NPAS2: variants seen among roughly 807,000 people sequenced by gnomAD.
NPAS2 encodes the protein neuronal PAS domain protein 2.
A neutral mutation model predicts 107.5 loss-of-function variants in NPAS2; 23 were observed. The ratio of observed to expected loss-of-function variants is 0.21; its 90% CI spans 0.15 to 0.30. NPAS2 has a LOEUF of 0.30. Among genes scored for constraint, NPAS2 ranks in the 10% least tolerant of loss-of-function variants. The pLI is 1.00. For missense variants in NPAS2, 756 were observed against 1,043.3 expected, an observed-to-expected ratio of 0.72 and a Z score of 3.79; for synonymous variants, 403 against 417.5, an observed-to-expected ratio of 0.97 and a Z score of 0.42.
At chr2:100,891,162 G>T (rs1214131472) in intron 1 of NPAS2, among the ~76,000 whole-genome samples, 3 of 151,814 alleles carry the variant, frequency 2.0e-5, no homozygotes, top group Non-Finnish European at 4.4e-5. Context: ...AACCCGGGGG[G>T]TGGAGCTTGC....
In NPAS2 at chr2:100,842,090, C is replaced by G. The variant is rs1161788489; in HGVS notation, c.-23+21676C>G. ...GAGTGTGCATGTACGCGCACACACA[C>G]ACACACACACACACACACACTTAAG... On this transcript the variant is annotated intron_variant, in intron 1 of 20. Coordinates refer to ENST00000335681, the MANE Select transcript of NPAS2 (RefSeq NM_002518.4). Among the ~76,000 whole-genome samples the G allele has an allele frequency of 2.6e-5, 4 of 151,790 alleles. No homozygotes were observed. The East Asian group carries it at 7.8e-4, about 30-fold the overall frequency.
intron 18 of NPAS2, 70 bp downstream of exon 18, chr2:100,990,516 C>A: frequency 6.6e-7 from 1 of 1,503,780 alleles, no homozygotes; most frequent in Non-Finnish European, 9.2e-7. Flanking sequence ...GCTCTACTTT[C>A]TGCTTTAGAC....
chr2:100,846,055 G>C (rs140897245), intron 1 of NPAS2, among the ~76,000 whole-genome samples: 11 of 152,292 alleles, frequency 7.2e-5, no homozygotes, highest in Middle Eastern at 3.4e-3. Flanking sequence ...TGGAGACAGT[G>C]CCCAAATGGC....
chr2:100,854,970 A>G (rs536462435), intron 1 of NPAS2, among the ~76,000 whole-genome samples: 1 of 152,338 alleles, frequency 6.6e-6, no homozygotes, highest in South Asian at 2.1e-4. Flanking sequence ...GGAAAAACGA[A>G]TGCAAGCTCT....
At chr2:100,870,615 AAACTC>A (rs1194219387) in intron 1 of NPAS2, among the ~76,000 whole-genome samples, 1 of 152,006 alleles carries the variant, frequency 6.6e-6, no homozygotes, top group African/African-American at 2.4e-5. Context: ...GGCTGGTCTC[AAACTC>A]AACTCAAGCA....
intron 1 of NPAS2, among the ~76,000 whole-genome samples, chr2:100,873,285 TATATATATATATATATATATATACACAC>T (rs1558827351): frequency 8.7e-5 from 3 of 34,556 alleles, no homozygotes; most frequent in African/African-American, 3.1e-4. Context: ...CATATATATA[TATATATATATATATATATATATACACAC>T]ACACACACAC....
chr2:100,949,303 C>A, intron 6 of NPAS2, 64 bp from the exon 7 acceptor site: 1 of 925,664 alleles, frequency 1.1e-6, no homozygotes, highest in Non-Finnish European at 1.8e-6. Context: ...AGAGACGCTA[C>A]TTGTTTAGAG....
At chr2:100,868,749 G>T (rs545135963) in intron 1 of NPAS2, among the ~76,000 whole-genome samples, 16 of 152,068 alleles carry the variant, frequency 1.1e-4, no homozygotes, top group Non-Finnish European at 2.4e-4. Context: ...CTGTGTCTCA[G>T]CTTCTTTTTA....
rs1487667086 is a variant in NPAS2 at position 100,976,473 on chromosome 2, T to C, written c.1392+906T>C. Among the ~76,000 whole-genome samples the C allele has an allele frequency of 6.6e-6, 1 of 152,126 alleles. No individual in the cohort carries two copies. The highest frequency in any genetic ancestry group is 1.5e-5 in the Non-Finnish European group (1 of 68,044). On this transcript the variant is annotated intron_variant, in intron 14 of 20. Transcript: ENST00000335681. The surrounding 1 kb of genome is among the most constrained non-coding windows in gnomAD (Gnocchi z 4.1). ...CCATACCTCTTGGTCAAAGCAGCCC[T>C]GAGCTCACCCATGAAGAGGGATATA... is the stretch of plus-strand genomic sequence containing the variant.
intron 4 of NPAS2, among the ~76,000 whole-genome samples, chr2:100,936,735 C>G (rs994121752): frequency 6.6e-6 from 1 of 152,146 alleles, no homozygotes; most frequent in Non-Finnish European, 1.5e-5. Flanking sequence ...AATCCCAGCA[C>G]TTTGGGAGGC....
At chr2:100,990,543 CAG>C in intron 18 of NPAS2, 97 bp downstream of exon 18, 1 of 1,346,870 alleles carries the variant, frequency 7.4e-7, no homozygotes, top group African/African-American at 1.4e-5. Context: ...AGAGTTCAGA[CAG>C]ATTCTAAAGT....
intron 14 of NPAS2, 26 bp from the exon 15 acceptor site, chr2:100,977,684 T>C: frequency 6.2e-7 from 1 of 1,600,938 alleles, no homozygotes. Context: ...GAAGCAGTGG[T>C]AACAAAGCCC....
chr2:100,861,135 G>T (rs1573487629), intron 1 of NPAS2, among the ~76,000 whole-genome samples: 1 of 151,848 alleles, frequency 6.6e-6, no homozygotes, highest in South Asian at 2.1e-4. Context: ...CCAAAGCACT[G>T]GGATTATAGC....
chr2:100,890,251 G>GGGA (rs1215562674), intron 1 of NPAS2, among the ~76,000 whole-genome samples: 3 of 152,204 alleles, frequency 2.0e-5, no homozygotes, highest in Non-Finnish European at 2.9e-5. Flanking sequence ...GCTGTGTCCA[G>GGGA]GGAGCAGGCT....
chr2:100,990,552 A>T lies in NPAS2; in HGVS notation c.2018+106A>T, dbSNP rs2087417716. The stretch of plus-strand genomic sequence containing the variant: ...GGAGGCAGAGTTCAGACAGATTCTA[A>T]AGTGTCCACAGTTGATCTCAGCTAA... On this transcript the variant is annotated intron_variant, in intron 18 of 20. Coordinates refer to ENST00000335681, the MANE Select transcript of NPAS2 (RefSeq NM_002518.4). 3.2e-6 allele frequency: 4 copies of T among 1,269,654 alleles called. No homozygotes were observed. In the South Asian group the frequency reaches 4.1e-5, roughly 13 times the overall value. The allele number at this position is 1,269,654 out of a possible 1,614,324, so 78.6% of individuals were successfully genotyped here. A position where few individuals can be genotyped will look rare whatever the true frequency, so the allele number is the denominator to read the frequency against.
rs114959725 is a variant in NPAS2 at position 100,871,367 on chromosome 2, G to A, written c.-22-33366G>A. 8.1e-3 allele frequency among the ~76,000 whole-genome samples: 1,067 copies of A among 132,410 alleles called. 14 individuals are homozygous for A. The highest frequency in any genetic ancestry group is 0.03 in the African/African-American group (1,031 of 34,650). The allele number at this position is 132,410 out of a possible 152,430, so 86.9% of individuals were successfully genotyped here. A position where few individuals can be genotyped will look rare whatever the true frequency, so the allele number is the denominator to read the frequency against. On this transcript the variant is annotated intron_variant, in intron 1 of 20. Coordinates refer to ENST00000335681, the MANE Select transcript of NPAS2 (RefSeq NM_002518.4). ...TTTTTTTTAAAGACAGTCTTACTCTGTCACCCAGGCTGAAGTGCAGTGATG... is the reference window on the plus strand; with the variant it reads ...TTTTTTTTAAAGACAGTCTTACTCTATCACCCAGGCTGAAGTGCAGTGATG...
intron 1 of NPAS2, among the ~76,000 whole-genome samples, chr2:100,843,482 G>T (rs1466006339): frequency 2.0e-5 from 3 of 152,114 alleles, no homozygotes; most frequent in Non-Finnish European, 4.4e-5. Context: ...CCTCCATTAT[G>T]GGAAGATGTT....
chr2:100,975,631 C>T, intron 14 of NPAS2, 64 bp downstream of exon 14: 1 of 1,214,366 alleles, frequency 8.2e-7, no homozygotes, highest in Non-Finnish European at 1.2e-6. Flanking sequence ...GCTGCAGAGC[C>T]AGGCGATGTG....
Position 100,820,278 on chromosome 2 carries a change from G to A in NPAS2, c.-159G>A, listed in dbSNP as rs1170986161. On this transcript the variant is annotated 5_prime_UTR_variant, in exon 1 of 21. Coordinates refer to ENST00000335681, the MANE Select transcript of NPAS2 (RefSeq NM_002518.4). The surrounding 1 kb of genome is among the most constrained non-coding windows in gnomAD (Gnocchi z 5.6). Reference sequence around the variant, plus strand: ...GCGGCGGCGGCGGCGGCAGCAGCTAGAGCAGCGCCTCCCGCCGCCGCCCGG... The same window carrying A: ...GCGGCGGCGGCGGCGGCAGCAGCTAAAGCAGCGCCTCCCGCCGCCGCCCGG... The A allele has an allele frequency of 7.5e-6, 1 of 134,132 alleles. No individual in the cohort carries two copies. Among genetic ancestry groups the A allele is most frequent in the Non-Finnish European group, 1.7e-5 (1 of 58,210 alleles). 8.3% of individuals were successfully genotyped at this position (134,132 alleles called of 1,614,324 possible).
Sources: allele counts gnomAD v4.1 joint callset (sites outside exome capture counted in the v4.1 genomes callset), GRCh38; gene constraint gnomAD v4.1.1; non-coding constraint Gnocchi (gnomAD v3.1); transcripts MANE v1.5; gene names NCBI Gene and HGNC (gene_info 2026-07-23, HGNC 2026-07-21).